The following LNX1 variants were observed in gnomAD, a reference collection of about 807,000 sequenced individuals.
LNX1 encodes the protein ligand of numb-protein X 1, also known as E3 ubiquitin-protein ligase LNX.
LNX1 carries 54 observed loss-of-function variants against 68.4 expected under a neutral mutation model. That is an observed-to-expected ratio of 0.79 (90% confidence interval 0.63 to 0.99). LNX1 has a LOEUF of 0.99. Ranked by LOEUF, LNX1 falls within the 50% of genes least tolerant of loss-of-function variation. The pLI, the probability that LNX1 is intolerant of heterozygous loss-of-function variation, is 0.00. For synonymous variants in LNX1, 336 were observed against 350.0 expected (o/e 0.96, Z 0.45); for missense variants, 906 against 926.4 (o/e 0.98, Z 0.29).
At chr4:53,590,160 G>A (rs1488167567) in intron 1 of LNX1, among the ~76,000 whole-genome samples, 1 of 152,160 alleles carries the variant, frequency 6.6e-6, no homozygotes, top group East Asian at 1.9e-4. Context: ...CAAACAGTAA[G>A]ACAGAAATTA....
intron 2 of LNX1, among the ~76,000 whole-genome samples, chr4:53,544,880 A>G (rs1176634599): frequency 1.3e-5 from 2 of 152,208 alleles, no homozygotes; most frequent in Non-Finnish European, 2.9e-5. Context: ...AAAGACACAC[A>G]GCCAGCAATT....
chr4:53,622,926 C>A (rs562958155), intron 1 of LNX1, among the ~76,000 whole-genome samples: 17 of 152,260 alleles, frequency 1.1e-4, no homozygotes, highest in Non-Finnish European at 2.1e-4. Context: ...TATTATTCTT[C>A]TGGAGGAGAG....
In LNX1 at chr4:53,508,178, A is replaced by G; in HGVS notation, c.430T>C (p.Ser144Pro). ...CAGCCGTCTGGACAGCCATCTTGTGAGCGCCTCTTCCTATCTTTGGTCAGG... is the reference window on the plus strand; with the variant it reads ...CAGCCGTCTGGACAGCCATCTTGTGGGCGCCTCTTCCTATCTTTGGTCAGG... ...YGLTKDRKRR[S>P]QDGCPDGCAS... The change falls in exon 3 of 11, where the codon TCA becomes CCA. Residue 144 changes from serine to proline, a missense_variant. Ser to Pro is a moderately conservative substitution (Grantham distance 74). Transcript: ENST00000263925. The G allele has an allele frequency of 6.2e-7, 1 of 1,614,114 alleles. No individual in the cohort carries two copies. The highest frequency in any genetic ancestry group is 1.1e-5 in the South Asian group (1 of 91,084).
At chr4:53,472,874 G>A (rs1723328598) in intron 9 of LNX1, among the ~76,000 whole-genome samples, 1 of 152,010 alleles carries the variant, frequency 6.6e-6, no homozygotes, top group Non-Finnish European at 1.5e-5. Flanking sequence ...GTGCTGTGTT[G>A]TAAAGCTGGA....
At chr4:53,470,358 C>T (rs1252211698) in intron 9 of LNX1, among the ~76,000 whole-genome samples, 1 of 152,176 alleles carries the variant, frequency 6.6e-6, no homozygotes, top group Non-Finnish European at 1.5e-5. Context: ...TAAGAGCTAT[C>T]TGTGACAAAC....
chr4:53,552,105 A>G (rs1405388772), intron 2 of LNX1, among the ~76,000 whole-genome samples: 2 of 152,138 alleles, frequency 1.3e-5, no homozygotes, highest in African/African-American at 4.8e-5. Context: ...AAAATATTTG[A>G]CTCTAAGCTG....
intron 1 of LNX1, among the ~76,000 whole-genome samples, chr4:53,628,997 A>G (rs1734175525): frequency 6.6e-6 from 1 of 152,150 alleles, no homozygotes; most frequent in African/African-American, 2.4e-5. Flanking sequence ...AGAGGTGGAT[A>G]TGAGATTCAA....
intron 1 of LNX1, among the ~76,000 whole-genome samples, chr4:53,639,102 T>C (rs765927170): frequency 3.3e-5 from 5 of 152,172 alleles, no homozygotes; most frequent in Admixed American, 6.5e-5. Context: ...TCAATGGTGA[T>C]TGGATAAAGA....
intron 2 of LNX1, chr4:53,557,758 T>C (rs774302587): frequency 5.7e-6 from 7 of 1,218,522 alleles, no homozygotes; most frequent in Non-Finnish European, 8.0e-6. Flanking sequence ...TTTGTCCAAG[T>C]GCATCTAGTA....
chr4:53,574,241 C>A (rs535242431), intron 1 of LNX1, among the ~76,000 whole-genome samples, 153 bp from the exon 2 acceptor site: 24 of 152,336 alleles, frequency 1.6e-4, no homozygotes, highest in Admixed American at 9.8e-4. Flanking sequence ...ACTGACAGGA[C>A]CTTGGGCAAG....
chr4:53,494,102 T>A (rs932780534), intron 6 of LNX1, among the ~76,000 whole-genome samples: 1 of 152,216 alleles, frequency 6.6e-6, no homozygotes, highest in Admixed American at 6.5e-5. Flanking sequence ...TCATCTTGAA[T>A]TGTAGCTCCC....
At chr4:53,554,469 T>G (rs1039221321) in intron 2 of LNX1, among the ~76,000 whole-genome samples, 15 of 152,268 alleles carry the variant, frequency 9.9e-5, no homozygotes, top group Admixed American at 7.2e-4. Flanking sequence ...TAAATTGAAT[T>G]TGAATGCTTT....
chr4:53,478,810 T>C, intron 7 of LNX1, 68 bp from the exon 8 acceptor site: 5 of 1,487,912 alleles, frequency 3.4e-6, no homozygotes, highest in Non-Finnish European at 4.6e-6. Flanking sequence ...ATGTAGAAAA[T>C]GCAAAGTGGG....
intron 6 of LNX1, among the ~76,000 whole-genome samples, chr4:53,483,832 G>C (rs1514389): frequency 0.93 from 141,653 of 152,034 alleles, 66,579 homozygotes; most frequent in East Asian, 1. Context: ...ATGCTCTTTT[G>C]CATTGACTCA....
chr4:53,625,474 A>G (rs756503462), intron 1 of LNX1, among the ~76,000 whole-genome samples: 25 of 152,188 alleles, frequency 1.6e-4, no homozygotes, highest in Non-Finnish European at 3.2e-4. Context: ...GATGTTCAAC[A>G]TCATTAATAA....
intron 8 of LNX1, among the ~76,000 whole-genome samples, chr4:53,477,520 G>T (rs1723642880): frequency 6.6e-6 from 1 of 152,140 alleles, no homozygotes; most frequent in African/African-American, 2.4e-5. Flanking sequence ...GCTACTATTG[G>T]TTAAGCGCCT....
intron 1 of LNX1, among the ~76,000 whole-genome samples, chr4:53,637,380 G>A (rs542776214): frequency 1.3e-5 from 2 of 151,780 alleles, no homozygotes; most frequent in Non-Finnish European, 2.9e-5. Context: ...AATCATAGGG[G>A]TCCATGGTGC....
At chr4:53,612,685 G>T (rs993095998) in intron 2 of LNX1, among the ~76,000 whole-genome samples, 5 of 145,988 alleles carry the variant, frequency 3.4e-5, no homozygotes, top group Admixed American at 7.2e-5. Context: ...GCTGGGTATG[G>T]TATGCCAGCT....
chr4:53,481,754 G>T lies in LNX1; in HGVS notation c.1451C>A (p.Ser484Tyr). The change falls in exon 7 of 11, where the codon TCC (serine) becomes TAC (tyrosine). Residue 484 changes from serine to tyrosine, a missense_variant. Physicochemically the swap from Ser to Tyr is moderately radical, Grantham distance 144. Coordinates refer to ENST00000263925, the MANE Select transcript of LNX1 (RefSeq NM_001126328.3). ...GTTGCTCCTCTCCCCTGGCCCTGGG[G>T]ACCAGCTGCCATTGCTGTTCCAGCC... ...EAGWNSNGSW[S>Y]PGPGERSNTP... 6.2e-7 allele frequency: 1 copy of T among 1,613,850 alleles called. No homozygotes were observed. The highest frequency in any genetic ancestry group is 1.1e-5 in the South Asian group (1 of 91,068).
Sources: gnomAD v4.1 joint callset for allele counts (sites outside exome capture counted in the v4.1 genomes callset) on GRCh38, gnomAD v4.1.1 for gene constraint, MANE v1.5 for transcripts, NCBI Gene and HGNC (gene_info 2026-07-23, HGNC 2026-07-21) for gene names.